The following MAN1A1 variants were observed in gnomAD, a reference collection of about 807,000 sequenced individuals.
MAN1A1 encodes mannosidase alpha class 1A member 1.
A neutral mutation model predicts 70.8 loss-of-function variants in MAN1A1; 29 were observed. The observed-to-expected ratio is 0.41, with a 90% CI of 0.31 to 0.56. The LOEUF (loss-of-function observed/expected upper bound fraction) is 0.56, where lower values mean the gene tolerates loss of function less well. Ranked by LOEUF, MAN1A1 falls within the 20% of genes least tolerant of loss-of-function variation. MAN1A1 has a pLI of 0.29. For synonymous variants in MAN1A1, 349 were observed against 330.1 expected (o/e 1.06, Z -0.62); for missense variants, 747 against 841.3 (o/e 0.89, Z 1.39).
At chr6:119,285,204 T>C (rs1186294429) in intron 5 of MAN1A1, among the ~76,000 whole-genome samples, 5 of 151,730 alleles carry the variant, frequency 3.3e-5, no homozygotes, top group Non-Finnish European at 1.5e-5. Context: ...CTCAAATTCC[T>C]GAGGCTCAAG....
intron 6 of MAN1A1, among the ~76,000 whole-genome samples, chr6:119,205,447 C>T (rs1773834053): frequency 1.3e-5 from 2 of 152,218 alleles, no homozygotes; most frequent in South Asian, 4.1e-4. Flanking sequence ...AAGCATATTA[C>T]CTAAGGTGCT....
Position 119,177,676 on chromosome 6 carries a change from G to C in MAN1A1, c.*2143C>G, listed in dbSNP as rs867977014. 2.0e-5 allele frequency: 3 copies of C among 151,626 alleles called. No individual in the cohort carries two copies. The highest frequency in any genetic ancestry group is 6.6e-5 in the Admixed American group (1 of 15,218). 9.4% of individuals were successfully genotyped at this position (151,626 alleles called of 1,614,324 possible). On this transcript the variant is annotated 3_prime_UTR_variant, in exon 13 of 13. Transcript: ENST00000368468. ...CTTGTTTACATTTTTGGTGTTTTGG[G>C]ACTTTTGTTAAAAAAAAATCCAAGT... is the stretch of plus-strand genomic sequence containing the variant.
intron 2 of MAN1A1, among the ~76,000 whole-genome samples, chr6:119,342,144 A>C (rs1240994689): frequency 1.3e-5 from 2 of 152,230 alleles, no homozygotes; most frequent in Admixed American, 6.5e-5. Context: ...AAGATACTTA[A>C]GTTTTTTTGG....
intron 4 of MAN1A1, among the ~76,000 whole-genome samples, chr6:119,297,959 T>G (rs932832815): frequency 5.3e-5 from 8 of 151,952 alleles, no homozygotes; most frequent in Admixed American, 3.9e-4. Flanking sequence ...CAAATAGTAG[T>G]TGACCTCTTT....
At chr6:119,253,605 A>AT (rs915957452) in intron 5 of MAN1A1, among the ~76,000 whole-genome samples, 9 of 152,218 alleles carry the variant, frequency 5.9e-5, no homozygotes, top group Non-Finnish European at 1.2e-4. Context: ...CAAAGCACAG[A>AT]TTTGTACACT....
At chr6:119,243,553 A>G (rs1234857372) in intron 6 of MAN1A1, among the ~76,000 whole-genome samples, 1 of 152,086 alleles carries the variant, frequency 6.6e-6, no homozygotes, top group Non-Finnish European at 1.5e-5. Flanking sequence ...GTATTAATAA[A>G]CCCAACAAGG....
intron 2 of MAN1A1, among the ~76,000 whole-genome samples, chr6:119,307,589 A>ATG (rs1491129839): frequency 6.6e-6 from 1 of 151,670 alleles, no homozygotes; most frequent in African/African-American, 2.4e-5. Flanking sequence ...AATTGGATAC[A>ATG]TGTGTGTATA....
chr6:119,216,068 C>G (rs570098377), intron 6 of MAN1A1, among the ~76,000 whole-genome samples: 2 of 152,262 alleles, frequency 1.3e-5, no homozygotes, highest in East Asian at 3.9e-4. Flanking sequence ...GCTGGTGTAG[C>G]TGACAGTCAG....
chr6:119,243,699 A>G (rs992129662), intron 6 of MAN1A1, among the ~76,000 whole-genome samples: 3 of 152,136 alleles, frequency 2.0e-5, no homozygotes, highest in African/African-American at 7.2e-5. Context: ...CTGCAATTTA[A>G]TTATAATAAT....
chr6:119,306,028 TAATGCA>T (rs1772515650), intron 3 of MAN1A1, among the ~76,000 whole-genome samples: 2 of 152,204 alleles, frequency 1.3e-5, no homozygotes. Context: ...CTAAATAAGA[TAATGCA>T]TGAATGGCAC....
Position 119,234,761 on chromosome 6 carries a change from C to T in MAN1A1, c.992+13499G>A, listed in dbSNP as rs557630821. The stretch of plus-strand genomic sequence containing the variant: ...ATTATACATTTAAAAAATTTACATA[C>T]GGGGATACCTCATTTTACTGCACTT... On this transcript the variant is annotated intron_variant, in intron 6 of 12. Coordinates refer to ENST00000368468, the MANE Select transcript of MAN1A1 (RefSeq NM_005907.4). Among the ~76,000 whole-genome samples, 9 of 152,172 alleles carry T rather than the reference C, an allele frequency of 5.9e-5. 1 individual carries two copies. In the South Asian group the frequency reaches 1.5e-3, roughly 25 times the overall value.
chr6:119,271,899 A>T (rs934888276), intron 5 of MAN1A1, among the ~76,000 whole-genome samples: 1 of 152,212 alleles, frequency 6.6e-6, no homozygotes, highest in Non-Finnish European at 1.5e-5. Flanking sequence ...ATCACTACAT[A>T]AAAGTCTACT....
chr6:119,272,564 T>C (rs1418487841), intron 5 of MAN1A1, among the ~76,000 whole-genome samples: 1 of 152,220 alleles, frequency 6.6e-6, no homozygotes, highest in African/African-American at 2.4e-5. Context: ...ATATAAACTT[T>C]ATTATATGCT....
intron 4 of MAN1A1, among the ~76,000 whole-genome samples, chr6:119,296,873 A>T (rs1772229805): frequency 6.6e-6 from 1 of 152,206 alleles, no homozygotes; most frequent in Non-Finnish European, 1.5e-5. Context: ...ATCCTTTGCC[A>T]TTCTCAAGGC....
At chr6:119,345,019 C>A (rs1773688884) in intron 2 of MAN1A1, among the ~76,000 whole-genome samples, 1 of 152,038 alleles carries the variant, frequency 6.6e-6, no homozygotes, top group South Asian at 2.1e-4. Flanking sequence ...AGGATTCCAG[C>A]CTGAGAAGAA....
intron 3 of MAN1A1, among the ~76,000 whole-genome samples, chr6:119,306,263 C>A (rs1772521236): frequency 6.6e-6 from 1 of 152,036 alleles, no homozygotes; most frequent in Admixed American, 6.6e-5. Flanking sequence ...GCTCTGTGAC[C>A]CAAAGAATCC....
intron 6 of MAN1A1, among the ~76,000 whole-genome samples, chr6:119,241,898 A>G (rs1006525139): frequency 6.7e-6 from 1 of 149,474 alleles, no homozygotes; most frequent in African/African-American, 2.5e-5. Flanking sequence ...CAGCAATTAT[A>G]TGTGTGTGTG....
In MAN1A1 at chr6:119,209,117, G is replaced by T. The variant is rs559312310; in HGVS notation, c.993-4235C>A. 5.4e-5 allele frequency among the ~76,000 whole-genome samples: 8 copies of T among 147,606 alleles called. No individual in the cohort carries two copies. The South Asian group carries it at 1.7e-3, about 32-fold the overall frequency. ...AAAAAAAAAAAAAAAAAAGGTATAGGTTACAGTGACTGTCCCGATACAATT... is the reference window on the plus strand; with the variant it reads ...AAAAAAAAAAAAAAAAAAGGTATAGTTTACAGTGACTGTCCCGATACAATT... On this transcript the variant is annotated intron_variant, in intron 6 of 12. Coordinates refer to ENST00000368468, the MANE Select transcript of MAN1A1 (RefSeq NM_005907.4).
intron 2 of MAN1A1, among the ~76,000 whole-genome samples, chr6:119,312,981 G>C (rs1464658865): frequency 6.6e-6 from 1 of 152,164 alleles, no homozygotes. Context: ...CACTCAATGA[G>C]CCTGGCTGAC....
Sources: allele counts gnomAD v4.1 joint callset (sites outside exome capture counted in the v4.1 genomes callset), GRCh38; gene constraint gnomAD v4.1.1; transcripts MANE v1.5; gene names NCBI Gene and HGNC (gene_info 2026-07-23, HGNC 2026-07-21).